Variants in RSU1 observed in about 807,000 individuals in gnomAD.
The protein encoded by RSU1 is Ras suppressor protein 1.
RSU1 carries 26 observed loss-of-function variants against 31.1 expected under a neutral mutation model. That is an observed-to-expected ratio of 0.84 (90% confidence interval 0.61 to 1.16). The LOEUF (loss-of-function observed/expected upper bound fraction) is 1.16. Among genes scored for constraint, RSU1 ranks in the 50% most tolerant of loss-of-function variants. RSU1 has a pLI of 0.00. For missense variants in RSU1, 320 were observed against 339.1 expected (o/e 0.94, Z 0.44); for synonymous variants, 164 against 136.3 (o/e 1.20, Z -1.41).
At chr10:16,813,155 G>C (rs1359423057) in intron 2 of RSU1, among the ~76,000 whole-genome samples, 4 of 151,890 alleles carry the variant, frequency 2.6e-5, no homozygotes, top group Non-Finnish European at 5.9e-5. Flanking sequence ...GTAGAGATGG[G>C]GTCTCACTCT....
chr10:16,801,270 G>T (rs1461747136), intron 2 of RSU1, among the ~76,000 whole-genome samples: 1 of 152,022 alleles, frequency 6.6e-6, no homozygotes, highest in African/African-American at 2.4e-5. Context: ...TGACTTCAAA[G>T]CAAGGAAGAT....
chr10:16,796,573 T>A (rs1204384857), intron 2 of RSU1, among the ~76,000 whole-genome samples: 1 of 152,190 alleles, frequency 6.6e-6, no homozygotes, highest in Non-Finnish European at 1.5e-5. Context: ...AAACAGACTA[T>A]GCCACTGCTC....
intron 8 of RSU1, among the ~76,000 whole-genome samples, chr10:16,654,527 G>T (rs111901524): frequency 0.022 from 3,396 of 151,450 alleles, 129 homozygotes; most frequent in African/African-American, 0.077. Context: ...AAAATTGGCT[G>T]GGCATGGTGG....
intron 8 of RSU1, among the ~76,000 whole-genome samples, chr10:16,693,419 C>T (rs1157574262): frequency 6.6e-6 from 1 of 152,094 alleles, no homozygotes; most frequent in Non-Finnish European, 1.5e-5. Flanking sequence ...CAATCCCGAC[C>T]CACTGGCCTG....
intron 7 of RSU1, among the ~76,000 whole-genome samples, chr10:16,752,302 C>A (rs1341963297): frequency 6.6e-6 from 1 of 152,136 alleles, no homozygotes; most frequent in African/African-American, 2.4e-5. Context: ...GCGGGGTCAT[C>A]TTTCATCAGC....
intron 7 of RSU1, among the ~76,000 whole-genome samples, chr10:16,728,394 T>C (rs1288634814): frequency 1.3e-5 from 2 of 152,122 alleles, no homozygotes; most frequent in Admixed American, 6.5e-5. Flanking sequence ...ACCTACACCC[T>C]TCATCATACC....
intron 7 of RSU1, among the ~76,000 whole-genome samples, chr10:16,708,799 G>C (rs1450029392): frequency 6.6e-6 from 1 of 150,692 alleles, no homozygotes; most frequent in Non-Finnish European, 1.5e-5. Context: ...TTTCAATTTG[G>C]TTTTGTTTCT....
intron 8 of RSU1, among the ~76,000 whole-genome samples, chr10:16,691,768 T>G (rs1835558978): frequency 7.0e-6 from 1 of 142,102 alleles, no homozygotes; most frequent in South Asian, 2.3e-4. Flanking sequence ...ACAGTTTCAC[T>G]ATGTCACCCA....
chr10:16,595,369 A>G (rs1833593722), intron 8 of RSU1, among the ~76,000 whole-genome samples: 1 of 152,188 alleles, frequency 6.6e-6, no homozygotes, highest in Non-Finnish European at 1.5e-5. Context: ...CCAGTCTTCC[A>G]AGTGTTGCCT....
chr10:16,675,377 A>C (rs1403040204), intron 8 of RSU1, among the ~76,000 whole-genome samples: 1 of 152,126 alleles, frequency 6.6e-6, no homozygotes, highest in Non-Finnish European at 1.5e-5. Flanking sequence ...ACATCAGGTG[A>C]CCTAAGGCTT....
intron 7 of RSU1, among the ~76,000 whole-genome samples, chr10:16,724,653 C>T (rs369558484): frequency 6.6e-6 from 1 of 151,974 alleles, no homozygotes; most frequent in African/African-American, 2.4e-5. Flanking sequence ...CTTTACTGTC[C>T]GAGAAGGAGG....
chr10:16,738,824 G>A (rs894661975), intron 7 of RSU1, among the ~76,000 whole-genome samples: 37 of 152,088 alleles, frequency 2.4e-4, no homozygotes, highest in African/African-American at 8.5e-4. Flanking sequence ...AGCCGCACAT[G>A]CATTAGGTAT....
chr10:16,792,951 C>A lies in RSU1; in HGVS notation c.110-10867G>T, dbSNP rs149405792. 1.8e-3 allele frequency among the ~76,000 whole-genome samples: 267 copies of A among 152,322 alleles called. 1 individual carries two copies. Among genetic ancestry groups the A allele is most frequent in the South Asian group, 0.014 (70 of 4,830 alleles). ...TCCGTGATGCTGCTTAAAACGCCTG[C>A]CCATGTCGCATGGCTGAAGTTATTT... On this transcript the variant is annotated intron_variant, in intron 2 of 8. Coordinates refer to ENST00000345264, the MANE Select transcript of RSU1 (RefSeq NM_012425.4).
chr10:16,732,993 A>G (rs1040988635), intron 7 of RSU1, among the ~76,000 whole-genome samples: 1 of 152,104 alleles, frequency 6.6e-6, no homozygotes, highest in Non-Finnish European at 1.5e-5. Flanking sequence ...AAGGTTCCTC[A>G]TCTGTAAAAT....
chr10:16,730,761 T>A (rs920449306), intron 7 of RSU1, among the ~76,000 whole-genome samples: 5 of 152,114 alleles, frequency 3.3e-5, no homozygotes, highest in Non-Finnish European at 7.3e-5. Context: ...ACCAATAATT[T>A]TTTCATTTAT....
chr10:16,761,350 C>T (rs183741690), intron 4 of RSU1, among the ~76,000 whole-genome samples: 1 of 152,342 alleles, frequency 6.6e-6, no homozygotes, highest in East Asian at 1.9e-4. Context: ...GTAATGGAAG[C>T]TCCATCAGGG....
At chr10:16,685,887 T>TA (rs1835433113) in intron 8 of RSU1, among the ~76,000 whole-genome samples, 1 of 152,302 alleles carries the variant, frequency 6.6e-6, no homozygotes, top group South Asian at 2.1e-4. Flanking sequence ...GACTACATTT[T>TA]AAAAAATATC....
chr10:16,709,061 TG>T (rs1835964347), intron 7 of RSU1, among the ~76,000 whole-genome samples: 1 of 151,994 alleles, frequency 6.6e-6, no homozygotes, highest in South Asian at 2.1e-4. Flanking sequence ...AGGTTACATA[TG>T]TATACATGTG....
At chr10:16,757,717 C>T (rs74430167) in intron 4 of RSU1, among the ~76,000 whole-genome samples, 23 of 152,284 alleles carry the variant, frequency 1.5e-4, no homozygotes, top group African/African-American at 4.6e-4. Flanking sequence ...CCATACCGCA[C>T]GGAGGCCAAA....
Sources: gnomAD v4.1 joint callset for allele counts (sites outside exome capture counted in the v4.1 genomes callset) on GRCh38, gnomAD v4.1.1 for gene constraint, MANE v1.5 for transcripts, NCBI Gene and HGNC (gene_info 2026-07-23, HGNC 2026-07-21) for gene names.